The following CDC25B variants were observed in gnomAD, a reference collection of about 807,000 sequenced individuals.
The protein encoded by CDC25B is M-phase inducer phosphatase 2.
CDC25B carries 33 observed loss-of-function variants against 69.8 expected under a neutral mutation model. The ratio of observed to expected loss-of-function variants is 0.47; its 90% CI spans 0.36 to 0.63. The LOEUF is 0.63. Ranked by LOEUF, CDC25B falls within the 30% of genes least tolerant of loss-of-function variation. The probability of loss-of-function intolerance (pLI) is 0.00; values close to 1 mark genes in which losing one functional copy is unlikely to be tolerated. For synonymous variants in CDC25B, 341 were observed against 314.6 expected (o/e 1.08, Z -0.89); for missense variants, 727 against 809.1 (o/e 0.90, Z 1.23).
upstream of CDC25B, among the ~76,000 whole-genome samples, chr20:3,793,195 C>T (rs540471116): frequency 1.3e-5 from 2 of 152,288 alleles, no homozygotes; most frequent in South Asian, 4.1e-4. Flanking sequence ...CAGTGGCTCA[C>T]GCCTGTAATC....
intron 1 of CDC25B, 66 bp from the exon 2 acceptor site, chr20:3,797,556 G>C: frequency 1.3e-6 from 2 of 1,588,954 alleles, no homozygotes; most frequent in Non-Finnish European, 8.6e-7. Flanking sequence ...GTGGGAACGT[G>C]GGCTAGCCAG....
chr20:3,801,084 C>T lies in CDC25B; in HGVS notation c.696C>T (p.Pro232=), dbSNP rs1338761727. 9.3e-6 allele frequency: 15 copies of T among 1,614,024 alleles called. No homozygotes were observed. The highest frequency in any genetic ancestry group is 2.2e-5 in the East Asian group (1 of 44,870). Residue 232 remains proline, a synonymous_variant, in exon 7 of 16, where the codon CCC becomes CCT. Transcript: ENST00000245960. The stretch of plus-strand genomic sequence containing the variant: ...TTGCCCAGAGACCCAGCTCGGCCCC[C>T]GACCTGATGGTACATCCAGAGAGCG... ...EAFAQRPSSA[P]DLMCLSPDRK... is the part of the protein sequence containing the mutation.
chr20:3,788,413 G>A (rs1283924563), intron 1 of CDC25B, among the ~76,000 whole-genome samples: 2 of 152,198 alleles, frequency 1.3e-5, no homozygotes, highest in Admixed American at 6.5e-5. Flanking sequence ...TGTTAAGTAT[G>A]TTGCAAATGT....
Position 3,804,910 on chromosome 20 carries a change from G to T in CDC25B, c.1692G>T (p.Trp564Cys). The T allele has an allele frequency of 1.2e-6, 2 of 1,614,010 alleles. No homozygotes were observed. Among genetic ancestry groups the T allele is most frequent in the Non-Finnish European group, 1.7e-6 (2 of 1,180,034 alleles). ...CCTTCCGCCTCAAGACTCGCAGCTGGGCTGGGGAGCGGAGCCGGCGGGAGC... is the reference window on the plus strand; with the variant it reads ...CCTTCCGCCTCAAGACTCGCAGCTGTGCTGGGGAGCGGAGCCGGCGGGAGC... ...LKTFRLKTRS[W>C]AGERSRRELC... Residue 564 changes from tryptophan (W) to cysteine (C), a missense_variant, in exon 16 of 16, where the codon TGG (tryptophan) becomes TGT (cysteine). Coordinates refer to ENST00000245960, the MANE Select transcript of CDC25B (RefSeq NM_021873.4).
At position 3,802,275 on chromosome 20, in the gene CDC25B, T is replaced by C; in HGVS notation, c.1099-6T>C. On this transcript the variant is annotated splice_polypyrimidine_tract_variant and splice_region_variant and intron_variant, in intron 10 of 15. Transcript: ENST00000245960. ...GACCCTGGCCTCCATCTGACTCACTTTCCAGAAAGCCCGCGTCCTCCGCTC... is the reference window on the plus strand; with the variant it reads ...GACCCTGGCCTCCATCTGACTCACTCTCCAGAAAGCCCGCGTCCTCCGCTC... 6.2e-7 allele frequency: 1 copy of C among 1,610,530 alleles called. No homozygotes were observed. The highest frequency in any genetic ancestry group is 8.5e-7 in the Non-Finnish European group (1 of 1,179,422).
chr20:3,798,109 GTT>G (rs1486589493), intron 2 of CDC25B, among the ~76,000 whole-genome samples: 1 of 152,148 alleles, frequency 6.6e-6, no homozygotes, highest in East Asian at 1.9e-4. Context: ...TTAAAAATCT[GTT>G]GTCTCTTCTA....
At chr20:3,793,752 C>A (rs1380321421), upstream of CDC25B, among the ~76,000 whole-genome samples, 3 of 100,230 alleles carry the variant, frequency 3.0e-5, no homozygotes, top group Admixed American at 3.8e-4. Flanking sequence ...CTCCCCCCTC[C>A]CCCCACCCCA....
chr20:3,796,246 G>A (rs760450952), upstream of CDC25B: 82 of 1,293,142 alleles, frequency 6.3e-5, no homozygotes, highest in Non-Finnish European at 7.5e-5. Context: ...CATTGGTGGC[G>A]TCCGGCGGCG....
In CDC25B at chr20:3,800,155, C is replaced by T. The variant is rs528934786; in HGVS notation, c.381-133C>T. On this transcript the variant is annotated intron_variant, in intron 3 of 15. Transcript: ENST00000245960. ...CCCTGATGGTGGGCGTTCTTCCCACCCCACCCCTTCCACTGCCTTGAGCCT... is the reference window on the plus strand; with the variant it reads ...CCCTGATGGTGGGCGTTCTTCCCACTCCACCCCTTCCACTGCCTTGAGCCT... 853 of 735,528 alleles carry T rather than the reference C, an allele frequency of 1.2e-3. 15 individuals are homozygous for T. In the South Asian group the frequency reaches 0.014, roughly 12 times the overall value. The allele number at this position is 735,528 out of a possible 1,614,324, so 45.6% of individuals were successfully genotyped here. A position where few individuals can be genotyped will look rare whatever the true frequency, so the allele number is the denominator to read the frequency against.
intron 1 of CDC25B, among the ~76,000 whole-genome samples, chr20:3,788,370 A>G (rs879881031): frequency 1.3e-5 from 2 of 152,222 alleles, no homozygotes; most frequent in Admixed American, 6.5e-5. Flanking sequence ...CTTGACTTTT[A>G]GGAGCTCTTT....
intron 1 of CDC25B, chr20:3,787,205 T>C (rs1288455340): frequency 3.1e-6 from 2 of 635,422 alleles, no homozygotes; most frequent in African/African-American, 3.8e-5. Flanking sequence ...TTTTAAAAAT[T>C]TATTATATAA....
intron 1 of CDC25B, among the ~76,000 whole-genome samples, chr20:3,790,062 C>T (rs1351469564): frequency 3.3e-5 from 5 of 151,546 alleles, no homozygotes; most frequent in Non-Finnish European, 5.9e-5. Flanking sequence ...TGGGGTGGGC[C>T]GGAGGATCAC....
chr20:3,789,234 A>T (rs922651155), intron 1 of CDC25B, among the ~76,000 whole-genome samples: 39 of 152,138 alleles, frequency 2.6e-4, no homozygotes, highest in African/African-American at 9.4e-4. Flanking sequence ...CAAGCTTTCC[A>T]TTCTCCTTTT....
intron 3 of CDC25B, among the ~76,000 whole-genome samples, chr20:3,799,015 G>A (rs1422581349): frequency 6.6e-6 from 1 of 152,166 alleles, no homozygotes; most frequent in Non-Finnish European, 1.5e-5. Flanking sequence ...GTGGGCTCTG[G>A]CCTGGACAGA....
rs759921476 is a variant in CDC25B, at chr20:3,801,679, A to G, written c.841-43A>G. On this transcript the variant is annotated intron_variant, in intron 8 of 15. Coordinates refer to ENST00000245960, the MANE Select transcript of CDC25B (RefSeq NM_021873.4). The stretch of plus-strand genomic sequence containing the variant: ...TTCCGGGACTGGAGGGGTTTGGCCT[A>G]TGCCTGTGGGTTGTGACCCTGTCCT... The G allele has an allele frequency of 3.4e-6, 5 of 1,482,238 alleles. No homozygotes were observed. The South Asian group carries it at 3.9e-5, about 11-fold the overall frequency. The allele number at this position is 1,482,238 out of a possible 1,614,324, so 91.8% of individuals were successfully genotyped here.
upstream of CDC25B, among the ~76,000 whole-genome samples, chr20:3,792,267 G>A (rs1432120571): frequency 6.6e-6 from 1 of 151,192 alleles, no homozygotes; most frequent in African/African-American, 2.5e-5. Flanking sequence ...ACGGATTTAC[G>A]CTTGTAAAGA....
At chr20:3,798,267 TG>T in intron 2 of CDC25B, 144 bp from the exon 3 acceptor site, 2 of 486,290 alleles carry the variant, frequency 4.1e-6, no homozygotes. Flanking sequence ...GGTCCATGGT[TG>T]GGTTTTTGTT....
chr20:3,794,656 C>G (rs888317527), upstream of CDC25B, among the ~76,000 whole-genome samples: 2 of 152,190 alleles, frequency 1.3e-5, no homozygotes, highest in East Asian at 3.9e-4. Flanking sequence ...GAGGATGAAC[C>G]GGAAATTCAG....
chr20:3,800,880 G>T lies in CDC25B; in HGVS notation c.582+15G>T. The T allele has an allele frequency of 6.2e-7, 1 of 1,613,576 alleles. No homozygotes were observed. The highest frequency in any genetic ancestry group is 8.5e-7 in the Non-Finnish European group (1 of 1,179,698). On this transcript the variant is annotated intron_variant, in intron 6 of 15. Transcript: ENST00000245960. The stretch of plus-strand genomic sequence containing the variant: ...ACAAGGAGAATGTGCGCTTCTGGAA[G>T]GCCGGGGTGGGAGCTCTCCGGGAAG...
Sources: gnomAD v4.1 joint callset for allele counts (sites outside exome capture counted in the v4.1 genomes callset) on GRCh38, gnomAD v4.1.1 for gene constraint, MANE v1.5 for transcripts, NCBI Gene and HGNC (gene_info 2026-07-23, HGNC 2026-07-21) for gene names.